The following PCSK1 variants were observed in gnomAD, a reference collection of about 807,000 sequenced individuals.
PCSK1 encodes the protein neuroendocrine convertase 1.
Under a neutral mutation model 90.6 loss-of-function variants are expected in PCSK1, and 56 were observed. The ratio of observed to expected loss-of-function variants is 0.62; its 90% CI spans 0.50 to 0.77. PCSK1 has a LOEUF of 0.77. Among genes scored for constraint, PCSK1 ranks in the 30% least tolerant of loss-of-function variants. The pLI is 0.00. For missense variants in PCSK1, 801 were observed against 932.6 expected, an observed-to-expected ratio of 0.86 and a Z score of 1.84; for synonymous variants, 348 against 342.4, an observed-to-expected ratio of 1.02 and a Z score of -0.18.
intron 9 of PCSK1, among the ~76,000 whole-genome samples, chr5:96,403,154 A>G (rs746416583): frequency 5.9e-5 from 9 of 152,266 alleles, no homozygotes; most frequent in Middle Eastern, 6.8e-3. Context: ...GTAGTAGAGC[A>G]TTTATTTTAT....
At chr5:96,406,489 C>A (rs1261170876) in intron 9 of PCSK1, among the ~76,000 whole-genome samples, 2 of 152,208 alleles carry the variant, frequency 1.3e-5, no homozygotes, top group African/African-American at 4.8e-5. Context: ...TTGCCAGCCC[C>A]TCCAAGTAGG....
chr5:96,394,016 C>G (rs1760046319), intron 13 of PCSK1, among the ~76,000 whole-genome samples: 1 of 152,294 alleles, frequency 6.6e-6, no homozygotes, highest in South Asian at 2.1e-4. Context: ...GGACTCAGGT[C>G]CTGGAGGGAA....
At chr5:96,432,506 G>A (rs1316905224) in intron 1 of PCSK1, among the ~76,000 whole-genome samples, 1 of 152,198 alleles carries the variant, frequency 6.6e-6, no homozygotes, top group African/African-American at 2.4e-5. Flanking sequence ...GCTTCTCCCG[G>A]GGGCGCTTGG....
intron 5 of PCSK1, among the ~76,000 whole-genome samples, chr5:96,419,400 A>G (rs920845763): frequency 2.7e-5 from 4 of 146,988 alleles, no homozygotes; most frequent in Admixed American, 6.8e-5. Flanking sequence ...ATATATATAT[A>G]AACTCACTTA....
intron 9 of PCSK1, among the ~76,000 whole-genome samples, chr5:96,403,166 T>C (rs1051447107): frequency 6.6e-6 from 1 of 152,224 alleles, no homozygotes; most frequent in Non-Finnish European, 1.5e-5. Context: ...TTATTTTATA[T>C]GCAGTTGCAG....
In PCSK1 at chr5:96,410,911, C is replaced by T. The variant is rs1580755294; in HGVS notation, c.958G>A (p.Asp320Asn). 1.2e-6 allele frequency: 2 copies of T among 1,614,076 alleles called. No homozygotes were observed. Among genetic ancestry groups the T allele is most frequent in the Non-Finnish European group, 1.7e-6 (2 of 1,179,976 alleles). ...GTGTAGATGCTGTCTGTGTAGCCAT[C>T]ACAGTCACAATTATCTCCCTGACGC... ...GGRQGDNCDCDGYTDSIYTIS... is the reference protein window; with the variant it reads ...GGRQGDNCDCNGYTDSIYTIS... Residue 320 changes from aspartate to asparagine, a missense_variant, in exon 8 of 14, where the codon GAT becomes AAT. Transcript: ENST00000311106.
At position 96,410,771 on chromosome 5, in the gene PCSK1, T is replaced by TA. The variant is rs1561369143; in HGVS notation, c.1095+2dup. 7 of 1,611,238 alleles carry TA rather than the reference T, an allele frequency of 4.3e-6. No individual in the cohort carries two copies. Among genetic ancestry groups the TA allele is most frequent in the Non-Finnish European group, 5.9e-6 (7 of 1,177,368 alleles). On this transcript the variant is annotated splice_region_variant and intron_variant, in intron 8 of 13. Transcript: ENST00000311106. ...CAGAGAGAATTAGACAAAAGCAACA[T>TA]ACGATTCTCTGGTCGGTGTAATCTC...
chr5:96,413,848 G>A lies in PCSK1; in HGVS notation c.710-1358C>T, dbSNP rs1379623623. Among the ~76,000 whole-genome samples the A allele has an allele frequency of 7.0e-5, 10 of 143,102 alleles. 2 individuals carry two copies. Among genetic ancestry groups the A allele is most frequent in the African/African-American group, 2.1e-4 (8 of 38,274 alleles). 93.9% of individuals were successfully genotyped at this position (143,102 alleles called of 152,430 possible). The stretch of plus-strand genomic sequence containing the variant: ...TTTAGAAAAAAAATCGGCCAGGTGC[G>A]GTGGCTCACGCCTGTAATCCCAGCA... On this transcript the variant is annotated intron_variant, in intron 6 of 13. Transcript: ENST00000311106.
At chr5:96,416,246 T>G in intron 5 of PCSK1, 125 bp from the exon 6 acceptor site, 4 of 706,000 alleles carry the variant, frequency 5.7e-6, no homozygotes, top group Non-Finnish European at 1.0e-5. Flanking sequence ...TTTTGTTTGT[T>G]TGTTTTAAAT....
In PCSK1 at chr5:96,423,375, C is replaced by T. The variant is rs770641329; in HGVS notation, c.481G>A (p.Val161Ile). The T allele has an allele frequency of 1.2e-6, 2 of 1,614,026 alleles. No homozygotes were observed. The highest frequency in any genetic ancestry group is 1.1e-5 in the South Asian group (1 of 91,046). Residue 161 changes from valine to isoleucine, a missense_variant, in exon 4 of 14, where the codon GTT becomes ATT. Transcript: ENST00000311106. Reference sequence around the variant, plus strand: ...CCATCATCCAGTACGGTGATAACAACTCCTTTGCCCGTAATGCCTTTTTGC... The same window carrying T: ...CCATCATCCAGTACGGTGATAACAATTCCTTTGCCCGTAATGCCTTTTTGC... ...VWQKGITGKG[V>I]VITVLDDGLE...
At chr5:96,406,740 GC>G (rs1426334370) in intron 9 of PCSK1, among the ~76,000 whole-genome samples, 1 of 152,202 alleles carries the variant, frequency 6.6e-6, no homozygotes. Context: ...TAAGGACACT[GC>G]TTTGTTCTCT....
At chr5:96,414,791 TA>T (rs1405185506) in intron 6 of PCSK1, among the ~76,000 whole-genome samples, 1 of 152,222 alleles carries the variant, frequency 6.6e-6, no homozygotes, top group Non-Finnish European at 1.5e-5. Flanking sequence ...GCTAATTACA[TA>T]ATTTGTGCTT....
At chr5:96,424,863 T>A (rs1761232094) in intron 3 of PCSK1, among the ~76,000 whole-genome samples, 1 of 151,308 alleles carries the variant, frequency 6.6e-6, no homozygotes, top group Non-Finnish European at 1.5e-5. Context: ...CTCCAGAGGC[T>A]GAGGCAGGAG....
chr5:96,416,408 T>G (rs1760939946), intron 5 of PCSK1, among the ~76,000 whole-genome samples: 1 of 152,194 alleles, frequency 6.6e-6, no homozygotes, highest in East Asian at 1.9e-4. Flanking sequence ...AAATTATATG[T>G]AAAACACTTA....
At chr5:96,405,126 C>A (rs1484724229) in intron 9 of PCSK1, among the ~76,000 whole-genome samples, 2 of 152,086 alleles carry the variant, frequency 1.3e-5, no homozygotes, top group African/African-American at 4.8e-5. Flanking sequence ...CAATTGAGAA[C>A]AGAAATCTTA....
intron 8 of PCSK1, among the ~76,000 whole-genome samples, chr5:96,409,768 G>GCATAA (rs1426945937): frequency 1.3e-5 from 2 of 152,190 alleles, no homozygotes; most frequent in African/African-American, 4.8e-5. Context: ...AAACCCCTCG[G>GCATAA]TAGAATGCCA....
chr5:96,409,589 C>G (rs369770692), intron 8 of PCSK1, among the ~76,000 whole-genome samples: 2 of 152,096 alleles, frequency 1.3e-5, no homozygotes, highest in East Asian at 3.9e-4. Flanking sequence ...TGCAGGTTAC[C>G]CAAGATAAGG....
At chr5:96,405,941 G>A (rs1760544927) in intron 9 of PCSK1, among the ~76,000 whole-genome samples, 1 of 152,136 alleles carries the variant, frequency 6.6e-6, no homozygotes, top group African/African-American at 2.4e-5. Context: ...TTTTAAGATT[G>A]CTTTCTTTTA....
chr5:96,423,394 T>G lies in PCSK1; in HGVS notation c.462A>C (p.Lys154Asn), dbSNP rs145659863. 18 of 1,613,726 alleles carry G rather than the reference T, an allele frequency of 1.1e-5. No homozygotes were observed. The African/African-American group carries it at 2.4e-4, about 22-fold the overall frequency. ...LDLHVIPVWQ[K>N]GITGKGVVIT... ...TAACAACTCCTTTGCCCGTAATGCCTTTTTGCCAAACAGGTATCACATGAA... is the reference window on the plus strand; with the variant it reads ...TAACAACTCCTTTGCCCGTAATGCCGTTTTGCCAAACAGGTATCACATGAA... The change falls in exon 4 of 14, where the codon AAA becomes AAC. Residue 154 changes from lysine (K) to asparagine (N), a missense_variant. Coordinates refer to ENST00000311106, the MANE Select transcript of PCSK1 (RefSeq NM_000439.5).
Sources: gnomAD v4.1 joint callset for allele counts (sites outside exome capture counted in the v4.1 genomes callset) on GRCh38, gnomAD v4.1.1 for gene constraint, MANE v1.5 for transcripts, NCBI Gene and HGNC (gene_info 2026-07-23, HGNC 2026-07-21) for gene names.